GALNTL6: variants seen among roughly 807,000 people sequenced by gnomAD.
GALNTL6 encodes the protein polypeptide N-acetylgalactosaminyltransferase like 6.
In GALNTL6, 46 loss-of-function variants were observed where a neutral mutation model predicts 73.7. The ratio of observed to expected loss-of-function variants is 0.62; its 90% CI spans 0.49 to 0.80. The LOEUF is 0.80. Among genes scored for constraint, GALNTL6 ranks in the 30% least tolerant of loss-of-function variants. The probability of loss-of-function intolerance (pLI) is 0.00; values close to 1 mark genes in which losing one functional copy is unlikely to be tolerated. For missense variants in GALNTL6, 604 were observed against 755.0 expected, an observed-to-expected ratio of 0.80 and a Z score of 2.34; for synonymous variants, 259 against 263.7, an observed-to-expected ratio of 0.98 and a Z score of 0.17.
chr4:171,981,789 T>A (rs1051480789), intron 2 of GALNTL6, among the ~76,000 whole-genome samples: 5 of 152,058 alleles, frequency 3.3e-5, no homozygotes, highest in Admixed American at 3.3e-4. Flanking sequence ...TAGCAAAGAA[T>A]TCATATTGAG....
intron 5 of GALNTL6, among the ~76,000 whole-genome samples, chr4:172,552,226 C>T (rs1014735861): frequency 5.3e-5 from 8 of 152,178 alleles, no homozygotes; most frequent in African/African-American, 1.7e-4. Flanking sequence ...TGGCCACCAA[C>T]GCCCAGTTAC....
chr4:172,356,018 G>T (rs1294349639), intron 5 of GALNTL6, among the ~76,000 whole-genome samples: 3 of 152,134 alleles, frequency 2.0e-5, no homozygotes, highest in Non-Finnish European at 4.4e-5. Flanking sequence ...TGGATAAGCT[G>T]CTCTGACTTT....
At chr4:172,080,570 G>A (rs1368415124) in intron 2 of GALNTL6, among the ~76,000 whole-genome samples, 2 of 151,746 alleles carry the variant, frequency 1.3e-5, no homozygotes, top group Non-Finnish European at 2.9e-5. Flanking sequence ...CACAAATAAA[G>A]TGCAATAAAA....
chr4:172,623,045 C>T (rs1739026410), intron 5 of GALNTL6, among the ~76,000 whole-genome samples: 1 of 151,934 alleles, frequency 6.6e-6, no homozygotes, highest in Non-Finnish European at 1.5e-5. Context: ...ACCTAGGCTG[C>T]AACATAATTA....
intron 2 of GALNTL6, among the ~76,000 whole-genome samples, chr4:171,869,318 A>C (rs938671753): frequency 6.6e-6 from 1 of 152,228 alleles, no homozygotes; most frequent in African/African-American, 2.4e-5. Context: ...TTGAGGAGCT[A>C]AACAAAATGA....
chr4:172,193,479 C>G (rs955917692), intron 2 of GALNTL6, among the ~76,000 whole-genome samples: 3 of 152,154 alleles, frequency 2.0e-5, no homozygotes, highest in Non-Finnish European at 2.9e-5. Context: ...AAAGCAACAA[C>G]AACAACAACA....
chr4:171,850,674 A>C (rs1034145598), intron 2 of GALNTL6, among the ~76,000 whole-genome samples: 1 of 152,126 alleles, frequency 6.6e-6, no homozygotes, highest in Non-Finnish European at 1.5e-5. Context: ...TAGTCTTATG[A>C]TCTCTGTTTT....
intron 10 of GALNTL6, among the ~76,000 whole-genome samples, chr4:172,962,051 G>T (rs541506260): frequency 6.6e-6 from 1 of 152,214 alleles, no homozygotes; most frequent in Non-Finnish European, 1.5e-5. Context: ...GGTAGGTAAA[G>T]GAAAATTACA....
At chr4:172,913,257 G>A (rs1747311335) in intron 8 of GALNTL6, among the ~76,000 whole-genome samples, 1 of 152,072 alleles carries the variant, frequency 6.6e-6, no homozygotes, top group South Asian at 2.1e-4. Flanking sequence ...AAAGACCAAA[G>A]GTAGATAAAA....
At chr4:171,845,087 G>A (rs1193949034) in intron 2 of GALNTL6, among the ~76,000 whole-genome samples, 1 of 152,148 alleles carries the variant, frequency 6.6e-6, no homozygotes, top group Non-Finnish European at 1.5e-5. Context: ...ACTGGTTTGT[G>A]TACTAATGAA....
chr4:172,842,936 G>A (rs997450494), intron 7 of GALNTL6, among the ~76,000 whole-genome samples: 4 of 152,162 alleles, frequency 2.6e-5, no homozygotes, highest in Non-Finnish European at 5.9e-5. Context: ...GGAACAAATG[G>A]ACAGAGAATA....
At chr4:171,866,492 C>A (rs1231268890) in intron 2 of GALNTL6, among the ~76,000 whole-genome samples, 2 of 152,086 alleles carry the variant, frequency 1.3e-5, no homozygotes, top group African/African-American at 4.8e-5. Context: ...TCTTTTTTCT[C>A]TCTCTCTCTT....
intron 3 of GALNTL6, among the ~76,000 whole-genome samples, chr4:172,290,319 A>G (rs1425200718): frequency 1.3e-5 from 2 of 152,196 alleles, no homozygotes; most frequent in South Asian, 2.1e-4. Flanking sequence ...CTCTATCTGC[A>G]TAGATTTCAA....
chr4:172,265,188 A>G (rs1738409448), intron 3 of GALNTL6, among the ~76,000 whole-genome samples: 1 of 152,050 alleles, frequency 6.6e-6, no homozygotes. Flanking sequence ...GCTGGATTTC[A>G]AGGCGCAACC....
chr4:172,886,076 T>G (rs1745705160), intron 8 of GALNTL6, among the ~76,000 whole-genome samples: 1 of 152,204 alleles, frequency 6.6e-6, no homozygotes, highest in Non-Finnish European at 1.5e-5. Context: ...TTTGGAAGAA[T>G]TCCCTCCTCT....
chr4:172,577,881 T>A (rs1737019164), intron 5 of GALNTL6, among the ~76,000 whole-genome samples: 1 of 152,210 alleles, frequency 6.6e-6, no homozygotes, highest in Non-Finnish European at 1.5e-5. Context: ...AAAATAGTGA[T>A]AATCACCATC....
At chr4:172,915,867 A>G (rs1488754954) in intron 8 of GALNTL6, among the ~76,000 whole-genome samples, 3 of 152,198 alleles carry the variant, frequency 2.0e-5, no homozygotes, top group African/African-American at 7.2e-5. Context: ...AAAAATAGAA[A>G]AAGAGGGAAT....
chr4:172,600,176 TACATCAG>T (rs1160782702), intron 5 of GALNTL6, among the ~76,000 whole-genome samples: 1 of 152,102 alleles, frequency 6.6e-6, no homozygotes, highest in African/African-American at 2.4e-5. Flanking sequence ...AACGTTGAAT[TACATCAG>T]CTCTGTAGCC....
In GALNTL6 at chr4:172,851,078, T is replaced by C. The variant is rs549255877; in HGVS notation, c.924-31712T>C. On this transcript the variant is annotated intron_variant, in intron 7 of 12. Coordinates refer to ENST00000506823, the MANE Select transcript of GALNTL6 (RefSeq NM_001034845.3). The stretch of plus-strand genomic sequence containing the variant: ...CCCTTCCTTCTCCAGAGAATGGGGG[T>C]GGGGCTGAGTTTTAAGTTTCAAGCT... Among the ~76,000 whole-genome samples the C allele has an allele frequency of 3.9e-5, 6 of 151,904 alleles. No homozygotes were observed. In the South Asian group the frequency reaches 1.2e-3, roughly 32 times the overall value.
Sources: allele counts gnomAD v4.1 joint callset (sites outside exome capture counted in the v4.1 genomes callset), GRCh38; gene constraint gnomAD v4.1.1; transcripts MANE v1.5; gene names NCBI Gene and HGNC (gene_info 2026-07-23, HGNC 2026-07-21).